Variants in HES1 observed in about 807,000 individuals in gnomAD.
The protein encoded by HES1 is hes family bHLH transcription factor 1, also known as transcription factor HES-1.
Under a neutral mutation model 21.0 loss-of-function variants are expected in HES1, and 7 were observed. That is an observed-to-expected ratio of 0.33 (90% CI 0.19 to 0.63). The LOEUF (loss-of-function observed/expected upper bound fraction) is 0.63, where lower values mean the gene tolerates loss of function less well. HES1 is among the 20% of genes least tolerant of loss of function. HES1 has a pLI of 0.78. For missense variants in HES1, 338 were observed against 389.8 expected, an observed-to-expected ratio of 0.87 and a Z score of 1.12; for synonymous variants, 169 against 171.2, an observed-to-expected ratio of 0.99 and a Z score of 0.10.
rs1250202432 is a variant in HES1, at chr3:194,138,663, T to A, written c.*430T>A. 1 of 154,598 alleles carries A rather than the reference T, an allele frequency of 6.5e-6. No homozygotes were observed. The highest frequency in any genetic ancestry group is 1.4e-5 in the Non-Finnish European group (1 of 69,782). The allele number at this position is 154,598 out of a possible 1,614,324, so 9.6% of individuals were successfully genotyped here. ...TATGTAAAAAGGCTTTTGGTGGAAT[T>A]TGAATTACATGTAATTGGTAATTCA... On this transcript the variant is annotated 3_prime_UTR_variant, in exon 4 of 4. Coordinates refer to ENST00000232424, the MANE Select transcript of HES1 (RefSeq NM_005524.4).
chr3:194,137,646 C>A lies in HES1; in HGVS notation c.293-37C>A, dbSNP rs370532968. The A allele has an allele frequency of 5.2e-5, 80 of 1,544,328 alleles. No homozygotes were observed. Among genetic ancestry groups the A allele is most frequent in the Admixed American group, 3.0e-4 (17 of 56,616 alleles). ...GGAGGCAGTGGCCACGGGGCCAGGGCCGTTCGGTGACCCGTCTGTCTCTTT... is the reference window on the plus strand; with the variant it reads ...GGAGGCAGTGGCCACGGGGCCAGGGACGTTCGGTGACCCGTCTGTCTCTTT... On this transcript the variant is annotated intron_variant, in intron 3 of 3. Transcript: ENST00000232424. This position sits in a 1 kb window ranked among gnomAD's most constrained non-coding sequence, Gnocchi z 5.4.
Position 194,137,182 on chromosome 3 carries a change from C to T in HES1, c.292+134C>T. ...GCCTTGGCTCACTCTTGCGTTCCCA[C>T]GGTCTGGGGCTTATTTATAGCCACA... On this transcript the variant is annotated intron_variant, in intron 3 of 3. Coordinates refer to ENST00000232424, the MANE Select transcript of HES1 (RefSeq NM_005524.4). The surrounding 1 kb of genome is among the most constrained non-coding windows in gnomAD (Gnocchi z 5.4). 1.4e-6 allele frequency: 1 copy of T among 714,542 alleles called. No homozygotes were observed. Among genetic ancestry groups the T allele is most frequent in the Non-Finnish European group, 2.5e-6 (1 of 405,272 alleles). 44.3% of individuals were successfully genotyped at this position (714,542 alleles called of 1,614,324 possible).
Position 194,138,362 on chromosome 3 carries a change from A to T in HES1, c.*129A>T. The T allele has an allele frequency of 2.0e-6, 2 of 977,246 alleles. No homozygotes were observed. The highest frequency in any genetic ancestry group is 2.8e-6 in the Non-Finnish European group (2 of 709,114). The allele number at this position is 977,246 out of a possible 1,614,324, so 60.5% of individuals were successfully genotyped here. On this transcript the variant is annotated 3_prime_UTR_variant, in exon 4 of 4. Transcript: ENST00000232424. ...TTAAGTGGTTACTTTGTGTTTTTTT[A>T]ATTTCTAAGAAGTTACTTTTTGTAG...
Position 194,138,166 on chromosome 3 carries a change from A to G in HES1, c.776A>G (p.Asn259Ser), listed in dbSNP as rs1044847457. The change falls in exon 4 of 4, where the codon AAC becomes AGC. Residue 259 changes from asparagine to serine, a missense_variant. Transcript: ENST00000232424. The part of the protein sequence containing the change: ...TSNSGTSVGP[N>S]AVSPSSGPSL... Reference sequence around the variant, plus strand: ...AACAGCGGCACCTCCGTGGGCCCCAACGCAGTGTCACCTTCCAGCGGCCCC... The same window carrying G: ...AACAGCGGCACCTCCGTGGGCCCCAGCGCAGTGTCACCTTCCAGCGGCCCC... 4 of 1,611,206 alleles carry G rather than the reference A, an allele frequency of 2.5e-6. No homozygotes were observed. The highest frequency in any genetic ancestry group is 3.4e-5 in the Admixed American group (2 of 59,626).
chr3:194,138,564 G>T lies in HES1; in HGVS notation c.*331G>T. 1 of 233,682 alleles carries T rather than the reference G, an allele frequency of 4.3e-6. No individual in the cohort carries two copies. The highest frequency in any genetic ancestry group is 8.1e-6 in the Non-Finnish European group (1 of 122,742). The allele number at this position is 233,682 out of a possible 1,614,324, so 14.5% of individuals were successfully genotyped here. A position where few individuals can be genotyped will look rare whatever the true frequency, so the allele number is the denominator to read the frequency against. On this transcript the variant is annotated 3_prime_UTR_variant, in exon 4 of 4. Transcript: ENST00000232424. Reference sequence around the variant, plus strand: ...ATGCTCTTAAAATATCTTCCTTTGGGGAAGTTTATTTGAGAAAATATAATA... The same window carrying T: ...ATGCTCTTAAAATATCTTCCTTTGGTGAAGTTTATTTGAGAAAATATAATA...
rs146572113 is a variant in HES1, at chr3:194,138,649, G to C, written c.*416G>C. 6.2e-3 allele frequency: 965 copies of C among 156,216 alleles called. 5 individuals are homozygous for C. Among genetic ancestry groups the C allele is most frequent in the African/African-American group, 0.02 (853 of 41,704 alleles). 9.7% of individuals were successfully genotyped at this position (156,216 alleles called of 1,614,324 possible). On this transcript the variant is annotated 3_prime_UTR_variant, in exon 4 of 4. Coordinates refer to ENST00000232424, the MANE Select transcript of HES1 (RefSeq NM_005524.4). ...TGATTCTTCCAGAATATGTAAAAAG[G>C]CTTTTGGTGGAATTTGAATTACATG...
rs769537357 is a variant in HES1 at position 194,138,088 on chromosome 3, T to C, written c.698T>C (p.Ile233Thr). Reference sequence around the variant, plus strand: ...CCCGATGGCCAGTTTGCTTTCCTCATTCCCAACGGGGCCTTCGCGCACAGC... The same window carrying C: ...CCCGATGGCCAGTTTGCTTTCCTCACTCCCAACGGGGCCTTCGCGCACAGC... The part of the protein sequence containing the change: ...PAPDGQFAFL[I>T]PNGAFAHSGP... The change falls in exon 4 of 4, where the codon ATT (isoleucine) becomes ACT (threonine). Residue 233 changes from isoleucine (I) to threonine (T), a missense_variant. Ile to Thr is a moderately conservative substitution (Grantham distance 89). Coordinates refer to ENST00000232424, the MANE Select transcript of HES1 (RefSeq NM_005524.4). 6.2e-6 allele frequency: 10 copies of C among 1,611,790 alleles called. No individual in the cohort carries two copies. Among genetic ancestry groups the C allele is most frequent in the Non-Finnish European group, 8.5e-6 (10 of 1,179,392 alleles).
Position 194,136,399 on chromosome 3 carries a change from G to C in HES1, c.19G>C (p.Glu7Gln). The change falls in exon 1 of 4, where the codon GAG becomes CAG. Residue 7 changes from glutamate (E) to glutamine (Q), a missense_variant. Transcript: ENST00000232424. MPADIMEKNSSSPVAAT... is the reference protein window; with the variant it reads MPADIMQKNSSSPVAAT... ...AAGGAAAATGCCAGCTGATATAATG[G>C]AGAAAAATTCCTCGTCCCCGGTGGC... 1 of 1,591,372 alleles carries C rather than the reference G, an allele frequency of 6.3e-7. No homozygotes were observed. Among genetic ancestry groups the C allele is most frequent in the Non-Finnish European group, 8.6e-7 (1 of 1,168,358 alleles).
Position 194,137,870 on chromosome 3 carries a change from C to A in HES1, c.480C>A (p.His160Gln), listed in dbSNP as rs1434700885. ...INAMTYPGQP[H>Q]PALQAPPPPP... ...CCATGACCTACCCCGGGCAGCCGCA[C>A]CCCGCCTTGCAGGCGCCGCCACCGC... The change falls in exon 4 of 4, where the codon CAC becomes CAA. Residue 160 changes from histidine (H) to glutamine (Q), a missense_variant. By Grantham distance (24) the His-to-Gln change is conservative. Coordinates refer to ENST00000232424, the MANE Select transcript of HES1 (RefSeq NM_005524.4). The surrounding 1 kb of genome is among the most constrained non-coding windows in gnomAD (Gnocchi z 5.4). 2 of 1,507,412 alleles carry A rather than the reference C, an allele frequency of 1.3e-6. No individual in the cohort carries two copies. Among genetic ancestry groups the A allele is most frequent in the Non-Finnish European group, 1.8e-6 (2 of 1,123,158 alleles). The allele number at this position is 1,507,412 out of a possible 1,614,324, so 93.4% of individuals were successfully genotyped here.
chr3:194,138,164 C>T lies in HES1; in HGVS notation c.774C>T (p.Pro258=), dbSNP rs1715395236. 1.9e-6 allele frequency: 3 copies of T among 1,611,820 alleles called. No individual in the cohort carries two copies. The African/African-American group carries it at 4.0e-5, about 22-fold the overall frequency. The change falls in exon 4 of 4, where the codon CCC becomes CCT. Residue 258 remains proline, a synonymous_variant. Coordinates refer to ENST00000232424, the MANE Select transcript of HES1 (RefSeq NM_005524.4). ...YTSNSGTSVG[P]NAVSPSSGPS... ...GCAACAGCGGCACCTCCGTGGGCCCCAACGCAGTGTCACCTTCCAGCGGCC... is the reference window on the plus strand; with the variant it reads ...GCAACAGCGGCACCTCCGTGGGCCCTAACGCAGTGTCACCTTCCAGCGGCC...
rs185082620 is a variant in HES1 at position 194,136,331 on chromosome 3, G to T, written c.-50G>T. 4.2e-5 allele frequency: 47 copies of T among 1,110,644 alleles called. No individual in the cohort carries two copies. The East Asian group carries it at 1.2e-3, about 28-fold the overall frequency. 68.8% of individuals were successfully genotyped at this position (1,110,644 alleles called of 1,614,324 possible). A position where few individuals can be genotyped will look rare whatever the true frequency, so the allele number is the denominator to read the frequency against. ...CAAACAAAAAATTCTTTTTCGTGAA[G>T]AACTCCAAAAATAAAATTCTCTAGA... On this transcript the variant is annotated 5_prime_UTR_variant, in exon 1 of 4. Coordinates refer to ENST00000232424, the MANE Select transcript of HES1 (RefSeq NM_005524.4).
At position 194,137,086 on chromosome 3, in the gene HES1, C is replaced by CCGGA. The variant is rs749965976; in HGVS notation, c.292+40_292+41insGACG. 16 of 1,545,744 alleles carry CCGGA rather than the reference C, an allele frequency of 1.0e-5. No individual in the cohort carries two copies. Among genetic ancestry groups the CCGGA allele is most frequent in the Non-Finnish European group, 1.3e-5 (14 of 1,118,444 alleles). On this transcript the variant is annotated intron_variant, in intron 3 of 3. Coordinates refer to ENST00000232424, the MANE Select transcript of HES1 (RefSeq NM_005524.4). This position sits in a 1 kb window ranked among gnomAD's most constrained non-coding sequence, Gnocchi z 5.4. Reference sequence around the variant, plus strand: ...CGCCGCGTCCCCCTGTGCGGGCGTCCCGCTCGCCTCGCGGTGATTTCTTCC... The same window carrying CCGGA: ...CGCCGCGTCCCCCTGTGCGGGCGTCCCGGACGCTCGCCTCGCGGTGATTTCTTCC...
chr3:194,136,545 G>T, intron 1 of HES1, 57 bp downstream of exon 1: 1 of 1,561,186 alleles, frequency 6.4e-7, no homozygotes, highest in Non-Finnish European at 8.7e-7. Context: ...GGGGTTGGGG[G>T]GCTTCTTTCT....
At position 194,138,167 on chromosome 3, in the gene HES1, C is replaced by T. The variant is rs141702996; in HGVS notation, c.777C>T (p.Asn259=). ...TSNSGTSVGP[N]AVSPSSGPSL... Reference sequence around the variant, plus strand: ...ACAGCGGCACCTCCGTGGGCCCCAACGCAGTGTCACCTTCCAGCGGCCCCT... The same window carrying T: ...ACAGCGGCACCTCCGTGGGCCCCAATGCAGTGTCACCTTCCAGCGGCCCCT... The change falls in exon 4 of 4, where the codon AAC becomes AAT. Residue 259 remains asparagine (N), a synonymous_variant. Coordinates refer to ENST00000232424, the MANE Select transcript of HES1 (RefSeq NM_005524.4). 4.2e-4 allele frequency: 672 copies of T among 1,611,172 alleles called. No individual in the cohort carries two copies. The highest frequency in any genetic ancestry group is 5.3e-4 in the Non-Finnish European group (627 of 1,178,996).
chr3:194,136,740 T>G (rs1376238543), intron 2 of HES1, 28 bp downstream of exon 2: 4 of 1,579,610 alleles, frequency 2.5e-6, no homozygotes, highest in Middle Eastern at 1.7e-4. Context: ...GCTCGCTCTT[T>G]TAATTAAAAA....
rs376059948 is a variant in HES1, at chr3:194,136,359, TAAAAAAA to T, written c.-12_-6del. ...CTCCAAAAATAAAATTCTCTAGAGA[TAAAAAAA>T]AAAAAAAAAGGAAAATGCCAGCTGA... On this transcript the variant is annotated 5_prime_UTR_variant, in exon 1 of 4. Coordinates refer to ENST00000232424, the MANE Select transcript of HES1 (RefSeq NM_005524.4). 106 of 1,165,936 alleles carry T rather than the reference TAAAAAAA, an allele frequency of 9.1e-5. 1 individual carries two copies. In the South Asian group the frequency reaches 1.5e-3, roughly 16 times the overall value. The allele number at this position is 1,165,936 out of a possible 1,614,324, so 72.2% of individuals were successfully genotyped here.
chr3:194,136,571 G>T (rs765207361), intron 1 of HES1, 46 bp from the exon 2 acceptor site: 4 of 1,575,752 alleles, frequency 2.5e-6, no homozygotes, highest in Non-Finnish European at 1.7e-6. Flanking sequence ...GAAACCCCGG[G>T]ATGGCAGATT....
In HES1 at chr3:194,136,213, G is replaced by C. The variant is rs189428526; in HGVS notation, c.-168G>C. ...CCGTCTACCTCTCTCCTTGGTCCTGGAACAGCGCTACTGATCACCAAGTAG... is the reference window on the plus strand; with the variant it reads ...CCGTCTACCTCTCTCCTTGGTCCTGCAACAGCGCTACTGATCACCAAGTAG... On this transcript the variant is annotated 5_prime_UTR_variant, in exon 1 of 4. Coordinates refer to ENST00000232424, the MANE Select transcript of HES1 (RefSeq NM_005524.4). 4.4e-3 allele frequency: 2,567 copies of C among 589,744 alleles called. 8 individuals are homozygous for C. Among genetic ancestry groups the C allele is most frequent in the Non-Finnish European group, 6.6e-3 (2,153 of 328,214 alleles). The allele number at this position is 589,744 out of a possible 1,614,324, so 36.5% of individuals were successfully genotyped here. A position where few individuals can be genotyped will look rare whatever the true frequency, so the allele number is the denominator to read the frequency against.
chr3:194,137,810 C>A lies in HES1; in HGVS notation c.420C>A (p.Leu140=). The change falls in exon 4 of 4, where the codon CTC becomes CTA. Residue 140 remains leucine (L), a synonymous_variant. Transcript: ENST00000232424. The surrounding 1 kb of genome is among the most constrained non-coding windows in gnomAD (Gnocchi z 5.4). ...ATACCGAGGTGCGCACTCGGCTGCT[C>A]GGCCACCTGGCCAACTGCATGACCC... ...GVNTEVRTRL[L]GHLANCMTQI... is the part of the protein sequence containing the mutation. 1 of 1,613,400 alleles carries A rather than the reference C, an allele frequency of 6.2e-7. No homozygotes were observed. The highest frequency in any genetic ancestry group is 8.5e-7 in the Non-Finnish European group (1 of 1,179,892).
Sources: gnomAD v4.1 joint callset for allele counts on GRCh38, gnomAD v4.1.1 for gene constraint, Gnocchi (gnomAD v3.1) non-coding constraint, MANE v1.5 for transcripts, NCBI Gene and HGNC (gene_info 2026-07-23, HGNC 2026-07-21) for gene names.